The following ST8SIA4 variants were observed in gnomAD, a reference collection of about 807,000 sequenced individuals.
ST8SIA4 encodes the protein ST8 alpha-N-acetyl-neuraminide alpha-2,8-sialyltransferase 4.
In ST8SIA4, 15 loss-of-function variants were observed where a neutral mutation model predicts 33.9. The ratio of observed to expected loss-of-function variants is 0.44; its 90% CI spans 0.30 to 0.68. ST8SIA4 has a LOEUF of 0.68. Ranked by LOEUF, ST8SIA4 falls within the 30% of genes least tolerant of loss-of-function variation. ST8SIA4 has a pLI of 0.10. For synonymous variants in ST8SIA4, 171 were observed against 151.2 expected, an observed-to-expected ratio of 1.13 and a Z score of -0.96; for missense variants, 321 against 428.0, an observed-to-expected ratio of 0.75 and a Z score of 2.21.
intron 1 of ST8SIA4, among the ~76,000 whole-genome samples, chr5:100,896,116 T>C (rs145100986): frequency 3.3e-5 from 5 of 152,192 alleles, no homozygotes; most frequent in Admixed American, 2.0e-4. Context: ...ACAAAGGAAT[T>C]GAAATCAGGA....
chr5:100,845,690 AT>A (rs1202253847), intron 4 of ST8SIA4, among the ~76,000 whole-genome samples: 1 of 151,860 alleles, frequency 6.6e-6, no homozygotes, highest in African/African-American at 2.4e-5. Context: ...TGATTATGAA[AT>A]TTTAGTCTTA....
intron 3 of ST8SIA4, among the ~76,000 whole-genome samples, chr5:100,857,334 G>A (rs898638203): frequency 3.3e-5 from 5 of 151,560 alleles, no homozygotes; most frequent in Admixed American, 6.6e-5. Flanking sequence ...ATGCTTCTTT[G>A]ATCGGTCACA....
rs539114506 is a variant in ST8SIA4 at position 100,856,421 on chromosome 5, C to G, written c.504-25G>C. 5 of 1,536,968 alleles carry G rather than the reference C, an allele frequency of 3.3e-6. No homozygotes were observed. The South Asian group carries it at 6.2e-5, about 19-fold the overall frequency. The stretch of plus-strand genomic sequence containing the variant: ...CCTGAAGAGGAAAAAATTAATGGGA[C>G]AAATGAAAAAAAAAGAAATATTCAC... On this transcript the variant is annotated intron_variant, in intron 3 of 4. Coordinates refer to ENST00000231461, the MANE Select transcript of ST8SIA4 (RefSeq NM_005668.6).
At chr5:100,893,558 G>A (rs1303527973) in intron 2 of ST8SIA4, among the ~76,000 whole-genome samples, 1 of 151,992 alleles carries the variant, frequency 6.6e-6, no homozygotes, top group East Asian at 1.9e-4. Flanking sequence ...ATTGTAATAC[G>A]AATCTTTTGG....
chr5:100,813,678 T>C (rs1252374382), intron 4 of ST8SIA4, among the ~76,000 whole-genome samples: 1 of 152,030 alleles, frequency 6.6e-6, no homozygotes, highest in Non-Finnish European at 1.5e-5. Context: ...TGATGTGGCC[T>C]GAAGCTCTCT....
intron 1 of ST8SIA4, among the ~76,000 whole-genome samples, chr5:100,901,594 A>G (rs76208651): frequency 0.019 from 2,899 of 152,226 alleles, 97 homozygotes; most frequent in African/African-American, 0.067. Flanking sequence ...TTACCCCCTC[A>G]GAATAGACCA....
chr5:100,886,601 CT>C lies in ST8SIA4; in HGVS notation c.246-2del, dbSNP rs1752543700. 6.2e-7 allele frequency: 1 copy of C among 1,610,528 alleles called. No individual in the cohort carries two copies. Among genetic ancestry groups the C allele is most frequent in the African/African-American group, 1.3e-5 (1 of 74,832 alleles). ...ATCTAAGAAACGAAGTATGTTCTTC[CT>C]GTATTTGAAATACAAGCAAAGTTTT... On this transcript the variant is annotated splice_acceptor_variant, in intron 2 of 4. Coordinates refer to ENST00000231461, the MANE Select transcript of ST8SIA4 (RefSeq NM_005668.6). LOFTEE classifies it high-confidence loss of function.
rs529135144 is a variant in ST8SIA4, at chr5:100,847,121, T to C, written c.797+8982A>G. On this transcript the variant is annotated intron_variant, in intron 4 of 4. Transcript: ENST00000231461. ...CAAAAACATTAAACTAGGACACATG[T>C]TTTATAAAGAAATATTACAGCTGTG... Among the ~76,000 whole-genome samples the C allele has an allele frequency of 1.2e-4, 19 of 152,196 alleles. No individual in the cohort carries two copies. In the South Asian group the frequency reaches 2.3e-3, roughly 18 times the overall value.
intron 4 of ST8SIA4, among the ~76,000 whole-genome samples, chr5:100,832,842 T>G (rs925293113): frequency 6.6e-6 from 1 of 152,174 alleles, no homozygotes; most frequent in Non-Finnish European, 1.5e-5. Context: ...TTTCCCTCTA[T>G]GTGTCAAGTT....
rs1248437797 is a variant in ST8SIA4 at position 100,810,550 on chromosome 5, G to T, written c.*1297C>A. 1.3e-5 allele frequency: 2 copies of T among 152,120 alleles called. No individual in the cohort carries two copies. The highest frequency in any genetic ancestry group is 1.3e-4 in the Admixed American group (2 of 15,274). The allele number at this position is 152,120 out of a possible 1,614,324, so 9.4% of individuals were successfully genotyped here. On this transcript the variant is annotated 3_prime_UTR_variant, in exon 5 of 5. Transcript: ENST00000231461. ...TGCTTCCACAAAATTATTATGTAAT[G>T]CAAAAGGTGTGAAAAACATTTCAAA...
chr5:100,827,285 A>G (rs1270693274), intron 4 of ST8SIA4, among the ~76,000 whole-genome samples: 3 of 152,214 alleles, frequency 2.0e-5, no homozygotes, highest in African/African-American at 4.8e-5. Flanking sequence ...TGTGTCATGG[A>G]TAATCTATAA....
At chr5:100,890,457 T>A (rs1414753365) in intron 2 of ST8SIA4, 1 of 151,894 alleles carries the variant, frequency 6.6e-6, no homozygotes, top group Non-Finnish European at 1.5e-5. Flanking sequence ...TAACAGCAGG[T>A]CAAACAAAAT....
intron 4 of ST8SIA4, chr5:100,849,006 G>T: frequency 3.9e-6 from 2 of 516,788 alleles, no homozygotes; most frequent in Non-Finnish European, 5.0e-6. Flanking sequence ...CTTAACTGTG[G>T]TGTTGAAACA....
chr5:100,814,916 T>C (rs1750883601), intron 4 of ST8SIA4, among the ~76,000 whole-genome samples: 1 of 151,970 alleles, frequency 6.6e-6, no homozygotes, highest in African/African-American at 2.4e-5. Context: ...TATACACAAT[T>C]TGATATTTGA....
intron 4 of ST8SIA4, among the ~76,000 whole-genome samples, chr5:100,829,240 G>A (rs1751203502): frequency 6.6e-6 from 1 of 152,072 alleles, no homozygotes; most frequent in Non-Finnish European, 1.5e-5. Flanking sequence ...GTCTTCCCCA[G>A]CACTGTCTCT....
At chr5:100,894,962 T>A (rs1461298726) in intron 2 of ST8SIA4, among the ~76,000 whole-genome samples, 1 of 152,064 alleles carries the variant, frequency 6.6e-6, no homozygotes, top group Non-Finnish European at 1.5e-5. Flanking sequence ...AGTAATGCAA[T>A]GTAACTATAA....
intron 4 of ST8SIA4, among the ~76,000 whole-genome samples, chr5:100,854,713 T>C (rs959240135): frequency 5.9e-5 from 9 of 152,182 alleles, no homozygotes; most frequent in African/African-American, 2.2e-4. Flanking sequence ...TGCAGGAAAT[T>C]ATCTCAGGAA....
At position 100,810,743 on chromosome 5, in the gene ST8SIA4, G is replaced by C. The variant is rs2544919; in HGVS notation, c.*1104C>G. The C allele has an allele frequency of 6.6e-6, 1 of 152,436 alleles. No homozygotes were observed. Among genetic ancestry groups the C allele is most frequent in the Non-Finnish European group, 1.5e-5 (1 of 68,022 alleles). The allele number at this position is 152,436 out of a possible 1,614,324, so 9.4% of individuals were successfully genotyped here. Reference sequence around the variant, plus strand: ...TTGGTACCAAAGATTTTTTTTTCCCGGCCTATTTTACCATCTCTGATGACA... The same window carrying C: ...TTGGTACCAAAGATTTTTTTTTCCCCGCCTATTTTACCATCTCTGATGACA... On this transcript the variant is annotated 3_prime_UTR_variant, in exon 5 of 5. Coordinates refer to ENST00000231461, the MANE Select transcript of ST8SIA4 (RefSeq NM_005668.6).
intron 4 of ST8SIA4, among the ~76,000 whole-genome samples, chr5:100,854,967 T>C (rs1444881791): frequency 1.3e-5 from 2 of 152,208 alleles, no homozygotes; most frequent in African/African-American, 4.8e-5. Context: ...CAAATAAATG[T>C]CTGCAGTTAC....
Sources: gnomAD v4.1 joint callset for allele counts (sites outside exome capture counted in the v4.1 genomes callset) on GRCh38, gnomAD v4.1.1 for gene constraint, MANE v1.5 for transcripts, NCBI Gene and HGNC (gene_info 2026-07-23, HGNC 2026-07-21) for gene names.